Variants in PYGL observed in about 807,000 individuals in gnomAD.
PYGL encodes glycogen phosphorylase L, also known as glycogen phosphorylase, liver form.
A neutral mutation model predicts 100.1 loss-of-function variants in PYGL; 90 were observed. The observed-to-expected ratio is 0.90, with a 90% CI of 0.76 to 1.07. PYGL has a LOEUF of 1.07. PYGL is among the 50% of genes least tolerant of loss of function. The pLI, the probability that PYGL is intolerant of heterozygous loss-of-function variation, is 0.00. For missense variants in PYGL, 1,016 were observed against 1,057.6 expected (o/e 0.96, Z 0.55); for synonymous variants, 373 against 393.0 (o/e 0.95, Z 0.60).
chr14:50,908,425 G>T, intron 18 of PYGL, 88 bp from the exon 19 acceptor site: 5 of 1,239,216 alleles, frequency 4.0e-6, no homozygotes, highest in Non-Finnish European at 5.9e-6. Flanking sequence ...ATCATCTTTT[G>T]CTTAATATCA....
intron 2 of PYGL, 96 bp from the exon 3 acceptor site, chr14:50,935,281 G>C: frequency 4.0e-6 from 4 of 992,340 alleles, no homozygotes; most frequent in Non-Finnish European, 6.3e-6. Flanking sequence ...AGGTATTCAG[G>C]TTTAGCTGTG....
At chr14:50,908,760 T>C in intron 18 of PYGL, 61 bp downstream of exon 18, 1 of 1,522,624 alleles carries the variant, frequency 6.6e-7, no homozygotes, top group South Asian at 1.1e-5. Context: ...GTTGGTTGGT[T>C]TAAGATTTTC....
chr14:50,942,247 C>T lies in PYGL; in HGVS notation c.243+1914G>A, dbSNP rs566821673. Among the ~76,000 whole-genome samples the T allele has an allele frequency of 9.5e-5, 9 of 95,110 alleles. 2 individuals are homozygous for T. The highest frequency in any genetic ancestry group is 1.3e-3 in the East Asian group (2 of 1,540). 62.4% of individuals were successfully genotyped at this position (95,110 alleles called of 152,430 possible). The stretch of plus-strand genomic sequence containing the variant: ...TATCGCTATCAGAATTTACACACGT[C>T]GGAATTCCTGGCTTATATCTGCACT... On this transcript the variant is annotated intron_variant, in intron 1 of 19. Transcript: ENST00000216392.
chr14:50,911,056 A>G (rs183785566), intron 16 of PYGL, among the ~76,000 whole-genome samples: 1 of 152,236 alleles, frequency 6.6e-6, no homozygotes, highest in African/African-American at 2.4e-5. Context: ...AACACCACAA[A>G]AAGAAAAAGC....
intron 3 of PYGL, 100 bp from the exon 4 acceptor site, chr14:50,931,876 A>G: frequency 1.1e-6 from 1 of 891,428 alleles, no homozygotes; most frequent in Non-Finnish European, 1.9e-6. Context: ...ACATTGTTAT[A>G]TGAAGAACCA....
intron 2 of PYGL, among the ~76,000 whole-genome samples, chr14:50,936,433 G>C (rs1161943602): frequency 6.6e-6 from 1 of 152,204 alleles, no homozygotes; most frequent in Non-Finnish European, 1.5e-5. Context: ...GCTCTCTGCA[G>C]ATTAGAGCTT....
In PYGL at chr14:50,915,963, C is replaced by G. The variant is rs1471831830; in HGVS notation, c.1101G>C (p.Glu367Asp). 11 of 1,613,992 alleles carry G rather than the reference C, an allele frequency of 6.8e-6. No individual in the cohort carries two copies. The highest frequency in any genetic ancestry group is 9.3e-6 in the Non-Finnish European group (11 of 1,180,034). The change falls in exon 10 of 20, where the codon GAG becomes GAC. Residue 367 changes from glutamate (E) to aspartate (D), a missense_variant. Physicochemically the swap from Glu to Asp is conservative, Grantham distance 45. Coordinates refer to ENST00000216392, the MANE Select transcript of PYGL (RefSeq NM_002863.5). ...IEKLPWSKAWELTQKTFAYTN... is the reference protein window; with the variant it reads ...IEKLPWSKAWDLTQKTFAYTN... ...TGTAGGCGAAGGTCTTCTGGGTGAG[C>G]TCCCATGCCTGGGGGAAAGGAAGGA...
At position 50,912,210 on chromosome 14, in the gene PYGL, G is replaced by A; in HGVS notation, c.1714C>T (p.His572Tyr). 1.2e-6 allele frequency: 2 copies of A among 1,614,170 alleles called. No individual in the cohort carries two copies. Among genetic ancestry groups the A allele is most frequent in the Non-Finnish European group, 1.7e-6 (2 of 1,180,024 alleles). ...SMFDVQVKRI[H>Y]EYKRQLLNCL... The stretch of plus-strand genomic sequence containing the variant: ...TTCAAGAGCTGTCGCTTGTACTCAT[G>A]TATCCTCTTCACCTGGACATCAAAC... The change falls in exon 14 of 20, where the codon CAT (histidine) becomes TAT (tyrosine). Residue 572 changes from histidine (H) to tyrosine (Y), a missense_variant. Coordinates refer to ENST00000216392, the MANE Select transcript of PYGL (RefSeq NM_002863.5).
Position 50,910,115 on chromosome 14 carries a change from T to TA in PYGL, c.1970-14dup. On this transcript the variant is annotated splice_polypyrimidine_tract_variant and intron_variant, in intron 16 of 19. Transcript: ENST00000216392. ...GTGGCTGGAATGACTGCAAGAAAGGTAAGTTAAAATTAGTAATTTTGTCTG... is the reference window on the plus strand; with the variant it reads ...GTGGCTGGAATGACTGCAAGAAAGGTAAAGTTAAAATTAGTAATTTTGTCTG... 1.2e-6 allele frequency: 2 copies of TA among 1,607,262 alleles called. No homozygotes were observed. Among genetic ancestry groups the TA allele is most frequent in the East Asian group, 4.5e-5 (2 of 44,854 alleles).
chr14:50,935,138 T>C lies in PYGL; in HGVS notation c.393A>G (p.Gly131=), dbSNP rs201633863. The C allele has an allele frequency of 6.4e-5, 104 of 1,613,000 alleles. No homozygotes were observed. The highest frequency in any genetic ancestry group is 6.2e-4 in the Admixed American group (37 of 60,022). ...EELEEIEEDA[G]LGNGGLGRLA... is the part of the protein sequence containing the mutation. ...GTCTCCCAAGACCACCATTGCCAAG[T>C]CCAGCATCTTCTTCAATTTCTTCTA... Residue 131 remains glycine, a synonymous_variant, in exon 3 of 20, where the codon GGA becomes GGG. Transcript: ENST00000216392.
chr14:50,935,928 G>A (rs1176688987), intron 2 of PYGL, among the ~76,000 whole-genome samples: 1 of 152,198 alleles, frequency 6.6e-6, no homozygotes. Context: ...ATAAGAAGCT[G>A]TGGGAAGCCA....
At chr14:50,912,935 C>T (rs903978731) in intron 13 of PYGL, 94 bp downstream of exon 13, 10 of 1,191,198 alleles carry the variant, frequency 8.4e-6, no homozygotes, top group Non-Finnish European at 1.2e-5. Context: ...GCCTGGGCAA[C>T]AGAGCGAGAC....
chr14:50,917,837 G>T (rs577998089), intron 7 of PYGL, among the ~76,000 whole-genome samples: 49 of 152,290 alleles, frequency 3.2e-4, no homozygotes, highest in African/African-American at 1.2e-3. Flanking sequence ...ACCAAGAAAT[G>T]GTCCTAACCC....
intron 9 of PYGL, 128 bp from the exon 10 acceptor site, chr14:50,916,099 A>G: frequency 1.5e-6 from 2 of 1,291,728 alleles, no homozygotes; most frequent in Non-Finnish European, 1.1e-6. Flanking sequence ...AGAGCACTCA[A>G]TTCCACTAAG....
intron 4 of PYGL, among the ~76,000 whole-genome samples, chr14:50,926,956 T>G (rs931567799): frequency 6.6e-6 from 1 of 152,160 alleles, no homozygotes; most frequent in African/African-American, 2.4e-5. Flanking sequence ...TTGCCTCATT[T>G]CAGCATGCAG....
intron 4 of PYGL, among the ~76,000 whole-genome samples, chr14:50,930,618 G>T (rs4540982): frequency 6.6e-6 from 1 of 152,172 alleles, no homozygotes; most frequent in Admixed American, 6.5e-5. Context: ...GGTTCACAAA[G>T]AATCCAAATA....
chr14:50,925,932 G>A (rs2050543879), intron 4 of PYGL, among the ~76,000 whole-genome samples: 1 of 152,128 alleles, frequency 6.6e-6, no homozygotes, highest in Non-Finnish European at 1.5e-5. Flanking sequence ...GTCTGGGGAG[G>A]GGCCTGAAAT....
chr14:50,929,791 T>C (rs752689717), intron 4 of PYGL, among the ~76,000 whole-genome samples: 1 of 152,208 alleles, frequency 6.6e-6, no homozygotes, highest in Non-Finnish European at 1.5e-5. Context: ...GTTACTCCAT[T>C]GGGGAGAGGA....
intron 4 of PYGL, among the ~76,000 whole-genome samples, chr14:50,928,050 CG>C (rs1360316276): frequency 6.6e-6 from 1 of 152,124 alleles, no homozygotes; most frequent in Non-Finnish European, 1.5e-5. Context: ...AGAGGCTGCA[CG>C]GGGCTGAAGA....
Sources: gnomAD v4.1 joint callset for allele counts (sites outside exome capture counted in the v4.1 genomes callset) on GRCh38, gnomAD v4.1.1 for gene constraint, MANE v1.5 for transcripts, NCBI Gene and HGNC (gene_info 2026-07-23, HGNC 2026-07-21) for gene names.